MOK: variants seen among roughly 807,000 people sequenced by gnomAD.
MOK encodes MAPK/MAK/MRK overlapping kinase.
MOK carries 59 observed loss-of-function variants against 54.2 expected under a neutral mutation model. That is an observed-to-expected ratio of 1.09 (90% CI 0.88 to 1.35). The LOEUF (loss-of-function observed/expected upper bound fraction) is 1.35. MOK is among the 40% of genes most tolerant of loss of function. MOK has a pLI of 0.00. For synonymous variants in MOK, 210 were observed against 202.7 expected (o/e 1.04, Z -0.31); for missense variants, 517 against 526.2 (o/e 0.98, Z 0.17).
chr14:102,255,086 G>A (rs1275326140), intron 4 of MOK, among the ~76,000 whole-genome samples: 4 of 152,218 alleles, frequency 2.6e-5, no homozygotes, highest in African/African-American at 9.6e-5. Context: ...TTGGGAGGCT[G>A]AGGCAGGCGG....
intron 2 of MOK, among the ~76,000 whole-genome samples, chr14:102,281,045 T>C (rs1433359900): frequency 2.6e-5 from 4 of 151,916 alleles, no homozygotes; most frequent in Non-Finnish European, 1.5e-5. Context: ...AAAATTAGGC[T>C]GGGCATGGTG....
chr14:102,252,837 C>T (rs1404104103), intron 4 of MOK, among the ~76,000 whole-genome samples: 1 of 152,140 alleles, frequency 6.6e-6, no homozygotes, highest in Admixed American at 6.5e-5. Flanking sequence ...TAACAAGATT[C>T]CAGACATGTC....
chr14:102,261,109 T>C (rs1335511683), intron 4 of MOK, among the ~76,000 whole-genome samples: 14 of 151,216 alleles, frequency 9.3e-5, no homozygotes, highest in Admixed American at 9.2e-4. Context: ...TACAAAAAAA[T>C]AGCTGGGCGT....
Position 102,250,862 on chromosome 14 carries a change from C to A in MOK, c.540G>T (p.Thr180=), listed in dbSNP as rs367966130. The A allele has an allele frequency of 6.2e-7, 1 of 1,613,852 alleles. No homozygotes were observed. The highest frequency in any genetic ancestry group is 8.5e-7 in the Non-Finnish European group (1 of 1,179,998). The change falls in exon 7 of 12, where the codon ACG becomes ACT. Residue 180 remains threonine (T), a synonymous_variant. Transcript: ENST00000361847. ...PECLLTDGFY[T]YKMDLWSAGC... ...CGGCGCTCCACAGGTCCATCTTGTA[C>A]GTGTAGAACCCATCAGTGAGGAGAC...
Position 102,235,248 on chromosome 14 carries a change from T to C in MOK, c.591-1459A>G, listed in dbSNP as rs1385173539. The C allele has an allele frequency of 1.3e-5, 2 of 152,236 alleles. No individual in the cohort carries two copies. Among genetic ancestry groups the C allele is most frequent in the East Asian group, 3.9e-4 (2 of 5,188 alleles). 9.4% of individuals were successfully genotyped at this position (152,236 alleles called of 1,614,324 possible). On this transcript the variant is annotated intron_variant, in intron 7 of 11. Coordinates refer to ENST00000361847, the MANE Select transcript of MOK (RefSeq NM_014226.3). This position sits in a 1 kb window ranked among gnomAD's most constrained non-coding sequence, Gnocchi z 4.4. ...GCATGGGCCGAAGGGATGGTCCGTG[T>C]CCACGTCCCATTTTCCCTCTCTAAT... is the stretch of plus-strand genomic sequence containing the variant.
At chr14:102,222,815 C>T (rs1475510275), downstream of MOK, 1 of 1,614,064 alleles carries the variant, frequency 6.2e-7, no homozygotes, top group African/African-American at 1.3e-5. This position sits in a 1 kb window ranked among gnomAD's most constrained non-coding sequence, Gnocchi z 4.4. Context: ...TTAATGTAGA[C>T]TGCTTTGTTT....
At chr14:102,285,835 T>C (rs150737610) in intron 1 of MOK, among the ~76,000 whole-genome samples, 1 of 152,028 alleles carries the variant, frequency 6.6e-6, no homozygotes, top group Admixed American at 6.6e-5. Context: ...GAGGTTGCAG[T>C]GAGCCAAGAT....
intron 4 of MOK, among the ~76,000 whole-genome samples, chr14:102,255,010 T>A (rs142533794): frequency 1.3e-5 from 2 of 152,322 alleles, no homozygotes; most frequent in African/African-American, 4.8e-5. Context: ...GTCTAATCTA[T>A]CCAATCTTCA....
chr14:102,226,819 A>G (rs898661878), downstream of MOK, among the ~76,000 whole-genome samples: 2 of 152,138 alleles, frequency 1.3e-5, no homozygotes, highest in African/African-American at 4.8e-5. This position sits in a 1 kb window ranked among gnomAD's most constrained non-coding sequence, Gnocchi z 4.8. Context: ...TGTGCGCCAC[A>G]AACCCCGCCG....
intron 1 of MOK, among the ~76,000 whole-genome samples, chr14:102,293,701 C>CAAAAAAAAAAAAAAAAAAAACAA (rs2071035499): frequency 1.8e-5 from 1 of 54,598 alleles, no homozygotes; most frequent in Admixed American, 2.8e-4. Flanking sequence ...AACTCCATCA[C>CAAAAAAAAAAAAAAAAAAAACAA]AAAAAAAAAA....
chr14:102,264,989 C>T (rs1285341713), intron 3 of MOK, among the ~76,000 whole-genome samples: 1 of 152,238 alleles, frequency 6.6e-6, no homozygotes, highest in Non-Finnish European at 1.5e-5. Flanking sequence ...AGGAAGAAGG[C>T]TTCCCAGGCT....
chr14:102,242,593 C>A (rs142257199), intron 7 of MOK, among the ~76,000 whole-genome samples: 1 of 152,158 alleles, frequency 6.6e-6, no homozygotes, highest in African/African-American at 2.4e-5. Flanking sequence ...ACCCACTCAA[C>A]GCCAATATCC....
At chr14:102,254,397 T>G (rs78666424) in intron 4 of MOK, among the ~76,000 whole-genome samples, 8,308 of 152,288 alleles carry the variant, frequency 0.055, 287 homozygotes, top group African/African-American at 0.1. Flanking sequence ...CTTTATCAGC[T>G]TTCCCAAGCT....
At chr14:102,301,349 C>T (rs1318427534) in intron 1 of MOK, among the ~76,000 whole-genome samples, 1 of 152,174 alleles carries the variant, frequency 6.6e-6, no homozygotes, top group Non-Finnish European at 1.5e-5. Flanking sequence ...CCAAAGCCCA[C>T]GCTCTTATCA....
At chr14:102,250,594 A>G (rs1451310995) in intron 7 of MOK, among the ~76,000 whole-genome samples, 1 of 152,190 alleles carries the variant, frequency 6.6e-6, no homozygotes, top group Non-Finnish European at 1.5e-5. Flanking sequence ...AGGGAGAACA[A>G]CTGAGGGCTG....
At chr14:102,264,615 C>T (rs1001705433) in intron 3 of MOK, 2 of 152,236 alleles carry the variant, frequency 1.3e-5, no homozygotes, top group African/African-American at 2.4e-5. Context: ...AAGTGCACGA[C>T]GTGCATGCAG....
downstream of MOK, among the ~76,000 whole-genome samples, chr14:102,220,334 C>T (rs528683488): frequency 5.3e-5 from 8 of 152,304 alleles, no homozygotes; most frequent in South Asian, 1.0e-3. This position sits in a 1 kb window ranked among gnomAD's most constrained non-coding sequence, Gnocchi z 4.2. Flanking sequence ...AGTGCCATAA[C>T]GTGTCAACCA....
the MOK span, among the ~76,000 whole-genome samples, chr14:102,217,681 A>T: frequency 6.6e-6 from 1 of 152,204 alleles, no homozygotes; most frequent in Non-Finnish European, 1.5e-5. Context: ...GGGTGCCGTG[A>T]ATAAACCATG....
chr14:102,278,836 C>T, intron 2 of MOK: 1 of 389,364 alleles, frequency 2.6e-6, no homozygotes, highest in South Asian at 1.8e-5. Context: ...ATCTCACGTC[C>T]ATCTCCAAAA....
Sources: allele counts gnomAD v4.1 joint callset (sites outside exome capture counted in the v4.1 genomes callset), GRCh38; gene constraint gnomAD v4.1.1; non-coding constraint Gnocchi (gnomAD v3.1); transcripts MANE v1.5; gene names NCBI Gene and HGNC (gene_info 2026-07-23, HGNC 2026-07-21).